LRP4: variants seen among roughly 807,000 people sequenced by gnomAD.
The protein encoded by LRP4 is LDL receptor related protein 4, also known as low-density lipoprotein receptor-related protein 4.
Under a neutral mutation model 220.3 loss-of-function variants are expected in LRP4, and 95 were observed. The ratio of observed to expected loss-of-function variants is 0.43; its 90% confidence interval spans 0.37 to 0.51. The LOEUF (loss-of-function observed/expected upper bound fraction) is 0.51, where lower values mean the gene tolerates loss of function less well. Ranked by LOEUF, LRP4 falls within the 20% of genes least tolerant of loss-of-function variation. The pLI is 0.00. For synonymous variants in LRP4, 903 were observed against 954.6 expected (o/e 0.95, Z 1.00); for missense variants, 1,925 against 2,567.0 (o/e 0.75, Z 5.40).
In LRP4 at chr11:46,875,808, G is replaced by C. The variant is rs1361208305; in HGVS notation, c.3695C>G (p.Thr1232Ser). 6.2e-7 allele frequency: 1 copy of C among 1,614,064 alleles called. No individual in the cohort carries two copies. Among genetic ancestry groups the C allele is most frequent in the Admixed American group, 1.7e-5 (1 of 60,002 alleles). The change falls in exon 26 of 38, where the codon ACC becomes AGC. Residue 1232 changes from threonine to serine, a missense_variant. Coordinates refer to ENST00000378623, the MANE Select transcript of LRP4 (RefSeq NM_002334.4). The surrounding 1 kb of genome is among the most constrained non-coding windows in gnomAD (Gnocchi z 4.5). ...CAGCAGGGACACGGCTCTCACCTCG[G>C]TGTGGGCATCGGCCCATAGCAGTTG... ...SSQLLWADAH[T>S]ERIEAADLNG...
intron 6 of LRP4, 64 bp from the exon 7 acceptor site, chr11:46,898,741 G>C (rs1339418591): frequency 6.2e-7 from 1 of 1,610,712 alleles, no homozygotes; most frequent in East Asian, 2.2e-5. Context: ...AGACTAGAAG[G>C]CCACAGCCCC....
In LRP4 at chr11:46,859,324, G is replaced by C; in HGVS notation, c.5386-9C>G. 2 of 1,604,274 alleles carry C rather than the reference G, an allele frequency of 1.2e-6. No individual in the cohort carries two copies. The highest frequency in any genetic ancestry group is 1.7e-6 in the Non-Finnish European group (2 of 1,171,178). On this transcript the variant is annotated splice_polypyrimidine_tract_variant and intron_variant, in intron 37 of 37. Coordinates refer to ENST00000378623, the MANE Select transcript of LRP4 (RefSeq NM_002334.4). ...TTATGGTCAGGCCCTCCCTAGGGTGGAGAGTGGGCAGATATGGTCAGTCAG... is the reference window on the plus strand; with the variant it reads ...TTATGGTCAGGCCCTCCCTAGGGTGCAGAGTGGGCAGATATGGTCAGTCAG...
intron 12 of LRP4, 127 bp from the exon 13 acceptor site, chr11:46,893,256 C>T: frequency 1.2e-6 from 1 of 855,372 alleles, no homozygotes. Context: ...ACTTCAGATA[C>T]ATGAATTCAT....
intron 12 of LRP4, 112 bp downstream of exon 12, chr11:46,894,477 G>T: frequency 1.2e-6 from 1 of 800,252 alleles, no homozygotes; most frequent in Non-Finnish European, 2.1e-6. Context: ...GATTTCCCTG[G>T]AAGAAAAAGA....
chr11:46,894,840 G>A, intron 11 of LRP4, 21 bp from the exon 12 acceptor site: 1 of 1,605,676 alleles, frequency 6.2e-7, no homozygotes, highest in Non-Finnish European at 8.5e-7. Context: ...GTATAAACAT[G>A]GGATACCCAC....
chr11:46,878,802 ACTCATGGTTTCTC>A, intron 22 of LRP4, 92 bp downstream of exon 22: 1 of 1,512,550 alleles, frequency 6.6e-7, no homozygotes, highest in Non-Finnish European at 9.1e-7. Flanking sequence ...AAGCAGCAGG[ACTCATGGTTTCTC>A]AGACCACATT....
intron 2 of LRP4, 88 bp from the exon 3 acceptor site, chr11:46,900,466 C>T: frequency 1.2e-6 from 1 of 858,330 alleles, no homozygotes; most frequent in East Asian, 2.4e-5. Context: ...TGCTCCAAAT[C>T]CCCTTGTCTT....
chr11:46,881,907 G>T lies in LRP4; in HGVS notation c.2613-4C>A. ...CCAGTCAGTCCAATACATGTACCTG[G>T]GCAAAGGCAAGGCAAGGCAGGTCTT... is the stretch of plus-strand genomic sequence containing the variant. On this transcript the variant is annotated splice_region_variant and splice_polypyrimidine_tract_variant and intron_variant, in intron 19 of 37. Transcript: ENST00000378623. The T allele has an allele frequency of 6.2e-7, 1 of 1,614,116 alleles. No individual in the cohort carries two copies. Among genetic ancestry groups the T allele is most frequent in the Non-Finnish European group, 8.5e-7 (1 of 1,180,028 alleles).
chr11:46,878,581 T>C (rs1319206886), intron 22 of LRP4, among the ~76,000 whole-genome samples: 3 of 152,090 alleles, frequency 2.0e-5, no homozygotes, highest in Non-Finnish European at 4.4e-5. Flanking sequence ...GCCAGAAGTG[T>C]CTTATTCCAA....
At chr11:46,900,542 G>C (rs1941645786) in intron 2 of LRP4, among the ~76,000 whole-genome samples, 164 bp from the exon 3 acceptor site, 1 of 152,102 alleles carries the variant, frequency 6.6e-6, no homozygotes, top group African/African-American at 2.4e-5. Context: ...CGCAATCTTG[G>C]CTCACTGCAA....
At chr11:46,884,108 T>C (rs757552858) in intron 18 of LRP4, 132 bp from the exon 19 acceptor site, 11 of 714,910 alleles carry the variant, frequency 1.5e-5, no homozygotes, top group East Asian at 2.7e-5. Flanking sequence ...TTGTGACAGA[T>C]GCACAACGGA....
intron 32 of LRP4, 31 bp from the exon 33 acceptor site, chr11:46,868,744 G>A (rs1940774198): frequency 6.7e-7 from 1 of 1,497,498 alleles, no homozygotes; most frequent in Non-Finnish European, 9.3e-7. Flanking sequence ...TGTCTTATCT[G>A]GGACAGAATC....
At chr11:46,886,029 C>T in intron 18 of LRP4, 62 bp downstream of exon 18, 1 of 1,403,054 alleles carries the variant, frequency 7.1e-7, no homozygotes. Context: ...CTATCTGAGG[C>T]CAGGGTTTTA....
chr11:46,857,465 T>A lies in LRP4; in HGVS notation c.*1518A>T, dbSNP rs924314152. The A allele has an allele frequency of 6.6e-6, 1 of 152,124 alleles. No homozygotes were observed. The highest frequency in any genetic ancestry group is 1.5e-5 in the Non-Finnish European group (1 of 68,044). The allele number at this position is 152,124 out of a possible 1,614,324, so 9.4% of individuals were successfully genotyped here. On this transcript the variant is annotated 3_prime_UTR_variant, in exon 38 of 38. Coordinates refer to ENST00000378623, the MANE Select transcript of LRP4 (RefSeq NM_002334.4). ...GTTCTCTCCTGCCACTTCTAATTCC[T>A]GGGGGAGAAGAGGTCTGGGTCTGCC... is the stretch of plus-strand genomic sequence containing the variant.
chr11:46,910,453 T>C (rs907340388), intron 1 of LRP4, among the ~76,000 whole-genome samples: 5 of 152,202 alleles, frequency 3.3e-5, no homozygotes, highest in Non-Finnish European at 5.9e-5. Flanking sequence ...ATAATAGCTC[T>C]TGTTATTACT....
chr11:46,894,943 A>G, intron 11 of LRP4, 124 bp from the exon 12 acceptor site: 1 of 1,033,860 alleles, frequency 9.7e-7, no homozygotes, highest in Non-Finnish European at 1.5e-6. Context: ...AGCTGTCAGC[A>G]TCAGTACCAG....
In LRP4 at chr11:46,886,414, C is replaced by A; in HGVS notation, c.2335G>T (p.Asp779Tyr). 1 of 1,613,764 alleles carries A rather than the reference C, an allele frequency of 6.2e-7. No homozygotes were observed. ...ACGTGGTCATCCCGGGAGTCCCAGT[C>A]AAGGGCCACAGCACTGCGCACGTCA... Reference protein sequence around the residue: ...LADVRSAVALDWDSRDDHVYW... With the variant: ...LADVRSAVALYWDSRDDHVYW... Residue 779 changes from aspartate to tyrosine, a missense_variant, in exon 17 of 38, where the codon GAC becomes TAC. By Grantham distance (160) the Asp-to-Tyr change is radical. This residue lies in a region of LRP4 where 1,244 missense variants were observed against 1,624.9 expected (regional missense o/e 0.77). Transcript: ENST00000378623.
chr11:46,896,235 G>T lies in LRP4; in HGVS notation c.1023C>A (p.Ser341Arg). 2 of 1,614,038 alleles carry T rather than the reference G, an allele frequency of 1.2e-6. No homozygotes were observed. Among genetic ancestry groups the T allele is most frequent in the Middle Eastern group, 1.7e-4 (1 of 6,046 alleles). ...GGCAATTCTGCTGTGGGCTTTCGTC[G>T]CTGTTGTCACCACAGTCGTTGACCC... ...CNGVNDCGDN[S>R]DESPQQNCRP... The change falls in exon 9 of 38, where the codon AGC (serine) becomes AGA (arginine). Residue 341 changes from serine to arginine, a missense_variant. Coordinates refer to ENST00000378623, the MANE Select transcript of LRP4 (RefSeq NM_002334.4).
rs1565802707 is a variant in LRP4, at chr11:46,902,730, C to T, written c.199+53G>A. ...ACTCCATCAGCCTTGTCCTTGCCCC[C>T]CACCCCCAGGTCCCTCTCCACCACC... On this transcript the variant is annotated intron_variant, in intron 2 of 37. Transcript: ENST00000378623. 77 of 1,609,084 alleles carry T rather than the reference C, an allele frequency of 4.8e-5. 2 individuals are homozygous for T. The South Asian group carries it at 8.5e-4, about 18-fold the overall frequency.
Sources: allele counts gnomAD v4.1 joint callset (sites outside exome capture counted in the v4.1 genomes callset), GRCh38; gene constraint gnomAD v4.1.1; regional missense constraint gnomAD v4.1.1; non-coding constraint Gnocchi (gnomAD v3.1); transcripts MANE v1.5; gene names NCBI Gene and HGNC (gene_info 2026-07-23, HGNC 2026-07-21).